Variants in USP15 observed in about 807,000 individuals in gnomAD.
The protein encoded by USP15 is ubiquitin carboxyl-terminal hydrolase 15.
A neutral mutation model predicts 127.1 loss-of-function variants in USP15; 18 were observed. The ratio of observed to expected loss-of-function variants is 0.14; its 90% CI spans 0.10 to 0.21. USP15 has a LOEUF of 0.21. Ranked by LOEUF, USP15 falls within the 10% of genes least tolerant of loss-of-function variation. The pLI, the probability that USP15 is intolerant of heterozygous loss-of-function variation, is 1.00. For missense variants in USP15, 805 were observed against 1,159.9 expected (o/e 0.69, Z 4.44); for synonymous variants, 364 against 393.7 (o/e 0.92, Z 0.89).
chr12:62,374,619 T>C (rs2066766345), intron 8 of USP15: 6 of 958,612 alleles, frequency 6.3e-6, no homozygotes, highest in Admixed American at 6.2e-5. Context: ...ACTGAAGACT[T>C]GAGATTTGGT....
intron 20 of USP15, among the ~76,000 whole-genome samples, chr12:62,399,311 A>G (rs1470912730): frequency 1.3e-5 from 2 of 152,168 alleles, no homozygotes; most frequent in Admixed American, 1.3e-4. Context: ...AGTGTGCTCA[A>G]AGGAAGCTGT....
At chr12:62,302,983 T>C in intron 3 of USP15, 63 bp downstream of exon 3, 3 of 1,529,802 alleles carry the variant, frequency 2.0e-6, no homozygotes, top group Non-Finnish European at 2.7e-6. Flanking sequence ...ATTTTATTAT[T>C]AATTCAATGA....
chr12:62,262,083 C>T (rs975125913), intron 1 of USP15, among the ~76,000 whole-genome samples: 1 of 151,714 alleles, frequency 6.6e-6, no homozygotes, highest in African/African-American at 2.4e-5. Flanking sequence ...TACAAAAATA[C>T]AAAAAAATTA....
intron 1 of USP15, among the ~76,000 whole-genome samples, chr12:62,280,203 A>G (rs1286705902): frequency 6.6e-6 from 1 of 152,220 alleles, no homozygotes; most frequent in Non-Finnish European, 1.5e-5. Flanking sequence ...TAATAAATTA[A>G]GCTTAATAAA....
At chr12:62,304,321 A>G (rs1171537433) in intron 3 of USP15, among the ~76,000 whole-genome samples, 1 of 152,234 alleles carries the variant, frequency 6.6e-6, no homozygotes, top group East Asian at 1.9e-4. Flanking sequence ...GATGAATGAA[A>G]TATATTCAAC....
intron 1 of USP15, among the ~76,000 whole-genome samples, chr12:62,284,609 ATCT>A (rs938562128): frequency 3.9e-5 from 6 of 152,290 alleles, no homozygotes; most frequent in African/African-American, 1.4e-4. Flanking sequence ...AGAATGGATA[ATCT>A]TCTAAAAAGC....
intron 1 of USP15, among the ~76,000 whole-genome samples, chr12:62,275,735 T>C (rs1308793167): frequency 6.6e-6 from 1 of 152,042 alleles, no homozygotes; most frequent in Non-Finnish European, 1.5e-5. Context: ...GCAAAAATTA[T>C]TGGCCTGGGA....
At chr12:62,388,166 T>C (rs11174455) in intron 11 of USP15, among the ~76,000 whole-genome samples, 38,092 of 144,946 alleles carry the variant, frequency 0.26, 6,225 homozygotes, top group East Asian at 0.45. Context: ...GGTCTTGCTC[T>C]GTCACCCAAG....
Position 62,415,567 on chromosome 12 carries a change from C to T in USP15, c.*11192C>T, listed in dbSNP as rs1390059862. On this transcript the variant is annotated 3_prime_UTR_variant, in exon 22 of 22. Coordinates refer to ENST00000280377, the MANE Select transcript of USP15 (RefSeq NM_001252078.2). ...AGCCTACCACTTTTGTGCAACTCAC[C>T]TCACCTCTCTGCCTTTCACCTCTCT... 6.6e-6 allele frequency: 1 copy of T among 152,210 alleles called. No individual in the cohort carries two copies. The highest frequency in any genetic ancestry group is 1.5e-5 in the Non-Finnish European group (1 of 68,076). The allele number at this position is 152,210 out of a possible 1,614,324, so 9.4% of individuals were successfully genotyped here.
chr12:62,329,175 C>T (rs1485964605), intron 6 of USP15, among the ~76,000 whole-genome samples: 3 of 152,072 alleles, frequency 2.0e-5, no homozygotes. Flanking sequence ...AGTTCAAGAC[C>T]AGCCTGGCCA....
intron 7 of USP15, chr12:62,355,117 ATG>A: frequency 5.1e-6 from 2 of 390,696 alleles, no homozygotes; most frequent in Non-Finnish European, 9.1e-6. Context: ...GGTGTGGTAT[ATG>A]AGAGTTATTT....
chr12:62,349,079 CA>C, intron 6 of USP15, 141 bp from the exon 7 acceptor site: 2 of 462,218 alleles, frequency 4.3e-6, no homozygotes, highest in Non-Finnish European at 7.2e-6. Context: ...AATTGAAAAC[CA>C]AAGGATAATA....
At chr12:62,350,129 T>C (rs969031725) in intron 7 of USP15, among the ~76,000 whole-genome samples, 1 of 151,906 alleles carries the variant, frequency 6.6e-6, no homozygotes, top group East Asian at 1.9e-4. Flanking sequence ...ACTAATTATG[T>C]ATTACTATTA....
intron 2 of USP15, among the ~76,000 whole-genome samples, chr12:62,300,924 TAAG>T (rs1489257707): frequency 6.6e-6 from 1 of 152,092 alleles, no homozygotes; most frequent in East Asian, 1.9e-4. Context: ...ATGACACTGT[TAAG>T]AGAAAGAAAA....
At position 62,300,647 on chromosome 12, in the gene USP15, T is replaced by A. The variant is rs2064284703; in HGVS notation, c.218-2143T>A. Among the ~76,000 whole-genome samples the A allele has an allele frequency of 3.3e-5, 5 of 152,124 alleles. No homozygotes were observed. In the South Asian group the frequency reaches 1.0e-3, roughly 31 times the overall value. ...GCTTTAGAAAAAGGTAAAAGAGGAATTCACTGGCAAAAGGATAGTCTTTTA... is the reference window on the plus strand; with the variant it reads ...GCTTTAGAAAAAGGTAAAAGAGGAAATCACTGGCAAAAGGATAGTCTTTTA... On this transcript the variant is annotated intron_variant, in intron 2 of 21. Coordinates refer to ENST00000280377, the MANE Select transcript of USP15 (RefSeq NM_001252078.2).
At chr12:62,327,531 C>T in intron 6 of USP15, 1 of 354,810 alleles carries the variant, frequency 2.8e-6, no homozygotes, top group Non-Finnish European at 5.3e-6. Context: ...TTTGAAATTA[C>T]AAAATTGTTT....
chr12:62,388,834 G>A (rs1461412835), intron 11 of USP15, among the ~76,000 whole-genome samples: 2 of 152,074 alleles, frequency 1.3e-5, no homozygotes, highest in African/African-American at 4.8e-5. Context: ...CCGAGTTTAA[G>A]ATACTAAAAG....
At chr12:62,360,981 C>T (rs2066296434) in intron 8 of USP15, among the ~76,000 whole-genome samples, 1 of 151,298 alleles carries the variant, frequency 6.6e-6, no homozygotes, top group Non-Finnish European at 1.5e-5. Flanking sequence ...AAAATGTAAA[C>T]AACCTTACTT....
At chr12:62,302,557 A>G (rs573330395) in intron 2 of USP15, among the ~76,000 whole-genome samples, 7 of 152,204 alleles carry the variant, frequency 4.6e-5, no homozygotes, top group Admixed American at 1.3e-4. Context: ...TTAAAACATT[A>G]TGAGTTTTTT....
Sources: gnomAD v4.1 joint callset for allele counts (sites outside exome capture counted in the v4.1 genomes callset) on GRCh38, gnomAD v4.1.1 for gene constraint, MANE v1.5 for transcripts, NCBI Gene and HGNC (gene_info 2026-07-23, HGNC 2026-07-21) for gene names.